Variants in SLC25A1 observed in about 807,000 individuals in gnomAD.
SLC25A1 encodes tricarboxylate transport protein, mitochondrial.
A neutral mutation model predicts 38.1 loss-of-function variants in SLC25A1; 26 were observed. The ratio of observed to expected loss-of-function variants is 0.68; its 90% CI spans 0.50 to 0.95. SLC25A1 has a LOEUF of 0.95. Ranked by LOEUF, SLC25A1 falls within the 40% of genes least tolerant of loss-of-function variation. The pLI is 0.00. For missense variants in SLC25A1, 378 were observed against 426.6 expected (o/e 0.89, Z 1.00); for synonymous variants, 211 against 183.2 (o/e 1.15, Z -1.23).
rs782380351 is a variant in SLC25A1 at position 19,177,776 on chromosome 22, G to A, written c.392C>T (p.Ala131Val). 2.5e-6 allele frequency: 4 copies of A among 1,610,130 alleles called. No individual in the cohort carries two copies. Among genetic ancestry groups the A allele is most frequent in the Non-Finnish European group, 3.4e-6 (4 of 1,179,610 alleles). The change falls in exon 4 of 9, where the codon GCT (alanine) becomes GTT (valine). Residue 131 changes from alanine to valine, a missense_variant. Coordinates refer to ENST00000215882, the MANE Select transcript of SLC25A1 (RefSeq NM_005984.5). Reference protein sequence around the residue: ...STRGLLCGLGAGVAEAVVVVC... With the variant: ...STRGLLCGLGVGVAEAVVVVC... ...GACCACCACGGCCTCGGCCACGCCA[G>A]CGCCCAGGCCGCACAGCAGCCCACG...
In SLC25A1 at chr22:19,175,972, G is replaced by C; in HGVS notation, c.*158C>G. On this transcript the variant is annotated 3_prime_UTR_variant, in exon 9 of 9. Transcript: ENST00000215882. ...TGGTGTCACACACAGACCACAGGGGGGACACATGGATTTGACAGCCACAAT... is the reference window on the plus strand; with the variant it reads ...TGGTGTCACACACAGACCACAGGGGCGACACATGGATTTGACAGCCACAAT... 1 of 561,082 alleles carries C rather than the reference G, an allele frequency of 1.8e-6. No homozygotes were observed. 34.8% of individuals were successfully genotyped at this position (561,082 alleles called of 1,614,324 possible). A position where few individuals can be genotyped will look rare whatever the true frequency, so the allele number is the denominator to read the frequency against.
Position 19,176,129 on chromosome 22 carries a change from C to T in SLC25A1, c.*1G>A. On this transcript the variant is annotated 3_prime_UTR_variant, in exon 9 of 9. Coordinates refer to ENST00000215882, the MANE Select transcript of SLC25A1 (RefSeq NM_005984.5). Reference sequence around the variant, plus strand: ...GCGGTCCCCTTGCGGCCTCTCTAGGCTTAGTCCGTCTTCCACACTTTGTTG... The same window carrying T: ...GCGGTCCCCTTGCGGCCTCTCTAGGTTTAGTCCGTCTTCCACACTTTGTTG... 1.2e-6 allele frequency: 2 copies of T among 1,613,428 alleles called. No individual in the cohort carries two copies. The highest frequency in any genetic ancestry group is 1.7e-6 in the Non-Finnish European group (2 of 1,179,640).
Position 19,177,945 on chromosome 22 carries a change from A to AG in SLC25A1, c.298_299insC (p.Val100AlafsTer70). 1 of 1,597,988 alleles carries AG rather than the reference A, an allele frequency of 6.3e-7. No individual in the cohort carries two copies. Among genetic ancestry groups the AG allele is most frequent in the African/African-American group, 1.3e-5 (1 of 74,580 alleles). On this transcript the variant is annotated frameshift_variant, in exon 3 of 9. Coordinates refer to ENST00000215882, the MANE Select transcript of SLC25A1 (RefSeq NM_005984.5). LOFTEE classifies it high-confidence loss of function. The stretch of plus-strand genomic sequence containing the variant: ...GCAGCCACCGGCCGGGCCTCACCTG[A>AG]CGGCCGCCTTGGGGATGGAACCGTA...
chr22:19,178,516 C>T lies in SLC25A1; in HGVS notation c.94+64G>A. On this transcript the variant is annotated intron_variant, in intron 1 of 8. Coordinates refer to ENST00000215882, the MANE Select transcript of SLC25A1 (RefSeq NM_005984.5). The surrounding 1 kb of genome is among the most constrained non-coding windows in gnomAD (Gnocchi z 4.9). ...GCCCAACCCGGAAGTGGGGCGGGGC[C>T]TCAGCGTCCCGGGCCCACCCAGAAG... 7.6e-7 allele frequency: 1 copy of T among 1,311,322 alleles called. No homozygotes were observed. Among genetic ancestry groups the T allele is most frequent in the East Asian group, 3.2e-5 (1 of 31,414 alleles). The allele number at this position is 1,311,322 out of a possible 1,614,324, so 81.2% of individuals were successfully genotyped here. A position where few individuals can be genotyped will look rare whatever the true frequency, so the allele number is the denominator to read the frequency against.
Position 19,176,953 on chromosome 22 carries a change from G to T in SLC25A1, c.527-3C>A. 6.2e-7 allele frequency: 1 copy of T among 1,613,446 alleles called. No homozygotes were observed. The highest frequency in any genetic ancestry group is 1.1e-5 in the South Asian group (1 of 91,086). ...GCCCTGGTACGTCCCCTTCAGCCCTGCGGGAAGGCAGGCACGGGGTTACCC... is the reference window on the plus strand; with the variant it reads ...GCCCTGGTACGTCCCCTTCAGCCCTTCGGGAAGGCAGGCACGGGGTTACCC... On this transcript the variant is annotated splice_polypyrimidine_tract_variant and splice_region_variant and intron_variant, in intron 5 of 8. Coordinates refer to ENST00000215882, the MANE Select transcript of SLC25A1 (RefSeq NM_005984.5).
Position 19,178,072 on chromosome 22 carries a change from C to T in SLC25A1, c.203-31G>A, listed in dbSNP as rs781818709. 12 of 1,549,884 alleles carry T rather than the reference C, an allele frequency of 7.7e-6. No homozygotes were observed. In the South Asian group the frequency reaches 1.1e-4, roughly 14 times the overall value. On this transcript the variant is annotated intron_variant, in intron 2 of 8. Transcript: ENST00000215882. This position sits in a 1 kb window ranked among gnomAD's most constrained non-coding sequence, Gnocchi z 4.9. The stretch of plus-strand genomic sequence containing the variant: ...GGAGGGGGCGGTCAGGACCCCACGG[C>T]CCTCGGTGCCGCCGCCCTGGGTACC...
intron 4 of SLC25A1, 85 bp from the exon 5 acceptor site, chr22:19,177,289 G>A (rs1555922674): frequency 5.3e-6 from 6 of 1,142,580 alleles, no homozygotes; most frequent in Non-Finnish European, 7.8e-6. Context: ...CCCATCCAGG[G>A]TGGAGGGAAC....
rs1360454370 is a variant in SLC25A1 at position 19,175,974 on chromosome 22, A to G, written c.*156T>C. 2 of 653,630 alleles carry G rather than the reference A, an allele frequency of 3.1e-6. No homozygotes were observed. The highest frequency in any genetic ancestry group is 5.6e-6 in the Non-Finnish European group (2 of 359,516). 40.5% of individuals were successfully genotyped at this position (653,630 alleles called of 1,614,324 possible). Reference sequence around the variant, plus strand: ...GTGTCACACACAGACCACAGGGGGGACACATGGATTTGACAGCCACAATGC... The same window carrying G: ...GTGTCACACACAGACCACAGGGGGGGCACATGGATTTGACAGCCACAATGC... On this transcript the variant is annotated 3_prime_UTR_variant, in exon 9 of 9. Coordinates refer to ENST00000215882, the MANE Select transcript of SLC25A1 (RefSeq NM_005984.5).
intron 4 of SLC25A1, 62 bp from the exon 5 acceptor site, chr22:19,177,266 G>A (rs2083975710): frequency 2.2e-6 from 3 of 1,379,870 alleles, no homozygotes; most frequent in Admixed American, 3.5e-5. Flanking sequence ...CTGGCTAGCT[G>A]GCAGGCCCAG....
chr22:19,176,520 G>C, intron 7 of SLC25A1, 26 bp from the exon 8 acceptor site: 3 of 1,612,988 alleles, frequency 1.9e-6, no homozygotes, highest in Non-Finnish European at 2.5e-6. Flanking sequence ...GCAGGCAGGG[G>C]CTCAGCAGCT....
rs782172610 is a variant in SLC25A1, at chr22:19,177,182, G to A, written c.464C>T (p.Thr155Ile). 6.2e-7 allele frequency: 1 copy of A among 1,614,026 alleles called. No individual in the cohort carries two copies. Among genetic ancestry groups the A allele is most frequent in the East Asian group, 2.2e-5 (1 of 44,860 alleles). ...TCCTCTGTACTTGGGGTTTGGGGAG[G>A]TCTGGTCGTGGATGAACTTCACCTG... Reference protein sequence around the residue: ...TIKVKFIHDQTSPNPKYRGFF... With the variant: ...TIKVKFIHDQISPNPKYRGFF... Residue 155 changes from threonine to isoleucine, a missense_variant, in exon 5 of 9, where the codon ACC (threonine) becomes ATC (isoleucine). Coordinates refer to ENST00000215882, the MANE Select transcript of SLC25A1 (RefSeq NM_005984.5).
rs782598183 is a variant in SLC25A1 at position 19,178,155 on chromosome 22, G to T, written c.180C>A (p.His60Gln). The T allele has an allele frequency of 3.9e-6, 6 of 1,547,364 alleles. No individual in the cohort carries two copies. The Admixed American group carries it at 1.2e-4, about 30-fold the overall frequency. The stretch of plus-strand genomic sequence containing the variant: ...CACCGATGCCCCGGTACCGCGGCGG[G>T]TGCGAGCGCTCGTCCAGCTGCAGCT... ...KTQLQLDERS[H>Q]PPRYRGIGDC... The change falls in exon 2 of 9, where the codon CAC becomes CAA. Residue 60 changes from histidine (H) to glutamine (Q), a missense_variant. His to Gln is a conservative substitution (Grantham distance 24). Coordinates refer to ENST00000215882, the MANE Select transcript of SLC25A1 (RefSeq NM_005984.5). The surrounding 1 kb of genome is among the most constrained non-coding windows in gnomAD (Gnocchi z 4.9).
Position 19,176,718 on chromosome 22 carries a change from G to A in SLC25A1, c.632-25C>T, listed in dbSNP as rs782447958. 6 of 1,604,788 alleles carry A rather than the reference G, an allele frequency of 3.7e-6. No homozygotes were observed. In the South Asian group the frequency reaches 6.6e-5, roughly 18 times the overall value. On this transcript the variant is annotated intron_variant, in intron 6 of 8. Coordinates refer to ENST00000215882, the MANE Select transcript of SLC25A1 (RefSeq NM_005984.5). ...CCTGGATATAGGAGGGGTGAGGTGG[G>A]TCAGAGGGTGCCGGGAGGGGCCTGG...
chr22:19,176,316 A>T (rs2083958940), intron 8 of SLC25A1, 72 bp from the exon 9 acceptor site: 1 of 1,554,990 alleles, frequency 6.4e-7, no homozygotes, highest in Non-Finnish European at 8.9e-7. Context: ...ATCCCCAGAT[A>T]CTGAAGTGAG....
At chr22:19,177,409 G>A (rs889847718) in intron 4 of SLC25A1, among the ~76,000 whole-genome samples, 1 of 152,100 alleles carries the variant, frequency 6.6e-6, no homozygotes, top group African/African-American at 2.4e-5. Flanking sequence ...TGGGACACAG[G>A]GCAGCCCTGT....
Position 19,178,447 on chromosome 22 carries a change from C to T in SLC25A1, c.94+133G>A, listed in dbSNP as rs1417527762. On this transcript the variant is annotated intron_variant, in intron 1 of 8. Transcript: ENST00000215882. The surrounding 1 kb of genome is among the most constrained non-coding windows in gnomAD (Gnocchi z 4.9). The stretch of plus-strand genomic sequence containing the variant: ...GGGAGGCGGGCGAGTCCCAGCGCGC[C>T]GGGTGGGGACCAGGACCGCGCCTCC... 1.2e-5 allele frequency: 16 copies of T among 1,369,670 alleles called. No homozygotes were observed. The African/African-American group carries it at 1.4e-4, about 12-fold the overall frequency. The allele number at this position is 1,369,670 out of a possible 1,614,324, so 84.8% of individuals were successfully genotyped here.
intron 4 of SLC25A1, 127 bp from the exon 5 acceptor site, chr22:19,177,331 A>C (rs2146144327): frequency 1.3e-6 from 1 of 762,650 alleles, no homozygotes; most frequent in Non-Finnish European, 2.2e-6. Context: ...CAGTGCAGCC[A>C]AGGCCGCCCT....
chr22:19,176,943 C>T lies in SLC25A1; in HGVS notation c.534G>A (p.Lys178=), dbSNP rs782265255. Residue 178 remains lysine (K), a synonymous_variant, in exon 6 of 9, where the codon AAG becomes AAA. Transcript: ENST00000215882. ...TGGCTGTGAGGCCCTGGTACGTCCCCTTCAGCCCTGCGGGAAGGCAGGCAC... is the reference window on the plus strand; with the variant it reads ...TGGCTGTGAGGCCCTGGTACGTCCCTTTCAGCCCTGCGGGAAGGCAGGCAC... ...VREIVREQGL[K]GTYQGLTATV... is the part of the protein sequence containing the mutation. The T allele has an allele frequency of 5.6e-6, 9 of 1,613,578 alleles. No individual in the cohort carries two copies. The South Asian group carries it at 6.6e-5, about 12-fold the overall frequency.
chr22:19,177,129 GCA>G lies in SLC25A1; in HGVS notation c.515_516del (p.Val172AlafsTer73). Reference sequence around the variant, plus strand: ...AGGTCGAGTGGCTCACCTTGTTCCCGCACAATCTCCCTAACCCCGTGGAAGAA... The same window carrying G: ...AGGTCGAGTGGCTCACCTTGTTCCCGCAATCTCCCTAACCCCGTGGAAGAA... ...RGFFHGVREI[V>X]REQGLKGTYQ... is the part of the protein sequence containing the mutation. On this transcript the variant is annotated frameshift_variant, in exon 5 of 9. Coordinates refer to ENST00000215882, the MANE Select transcript of SLC25A1 (RefSeq NM_005984.5). LOFTEE classifies it high-confidence loss of function. 1 of 1,613,878 alleles carries G rather than the reference GCA, an allele frequency of 6.2e-7. No homozygotes were observed. The highest frequency in any genetic ancestry group is 8.5e-7 in the Non-Finnish European group (1 of 1,179,790).
Sources: gnomAD v4.1 joint callset for allele counts (sites outside exome capture counted in the v4.1 genomes callset) on GRCh38, gnomAD v4.1.1 for gene constraint, Gnocchi (gnomAD v3.1) non-coding constraint, MANE v1.5 for transcripts, NCBI Gene and HGNC (gene_info 2026-07-23, HGNC 2026-07-21) for gene names.